PCDHA4: variants seen among roughly 807,000 people sequenced by gnomAD.
PCDHA4 encodes the protein protocadherin alpha-4.
A neutral mutation model predicts 61.4 loss-of-function variants in PCDHA4; 49 were observed. The observed-to-expected ratio is 0.80, with a 90% CI of 0.63 to 1.01. The LOEUF is 1.01. Ranked by LOEUF, PCDHA4 falls within the 50% of genes least tolerant of loss-of-function variation. The pLI, the probability that PCDHA4 is intolerant of heterozygous loss-of-function variation, is 0.00. For missense variants in PCDHA4, 1,254 were observed against 1,235.8 expected, an observed-to-expected ratio of 1.01 and a Z score of -0.22; for synonymous variants, 590 against 550.3, an observed-to-expected ratio of 1.07 and a Z score of -1.01.
intron 3 of PCDHA4, among the ~76,000 whole-genome samples, chr5:141,005,899 A>G (rs2098245270): frequency 6.6e-6 from 1 of 151,978 alleles, no homozygotes; most frequent in East Asian, 1.9e-4. Flanking sequence ...TCAAGCAATG[A>G]TTGCACCACT....
chr5:141,000,415 ATATATATTTTTTT>A (rs1176788591), intron 3 of PCDHA4, among the ~76,000 whole-genome samples: 1 of 87,398 alleles, frequency 1.1e-5, no homozygotes, highest in Non-Finnish European at 2.1e-5. Flanking sequence ...ATATATATAT[ATATATATTTTTTT>A]TTTTTTTTTT....
chr5:140,871,635 A>G, intron 1 of PCDHA4: 1 of 1,364,150 alleles, frequency 7.3e-7, no homozygotes, highest in Non-Finnish European at 9.8e-7. Context: ...ATGTCTGTTC[A>G]TAAAATACCA....
intron 1 of PCDHA4, chr5:140,812,638 G>A (rs1554126027): frequency 6.6e-6 from 1 of 151,730 alleles, no homozygotes; most frequent in Non-Finnish European, 1.5e-5. Context: ...TTGTTTTCAT[G>A]TTTAAGAGAC....
chr5:141,009,825 T>A lies in PCDHA4; in HGVS notation c.2732T>A (p.Ile911Lys). ...AGCCAAATTGACAAAAGTGACTTCA[T>A]AACCTTCGGCAAAAAGGAGGAGACC... ...TNSQIDKSDF[I>K]TFGKKEETKK... is the part of the protein sequence containing the mutation. The change falls in exon 4 of 4, where the codon ATA (isoleucine) becomes AAA (lysine). Residue 911 changes from isoleucine to lysine, a missense_variant. Physicochemically the swap from Ile to Lys is moderately radical, Grantham distance 102. Coordinates refer to ENST00000530339, the MANE Select transcript of PCDHA4 (RefSeq NM_018907.4). 2 of 1,613,774 alleles carry A rather than the reference T, an allele frequency of 1.2e-6. No homozygotes were observed.
intron 2 of PCDHA4, among the ~76,000 whole-genome samples, chr5:140,979,837 C>T (rs1554241124): frequency 6.6e-6 from 1 of 152,188 alleles, no homozygotes; most frequent in Non-Finnish European, 1.5e-5. Flanking sequence ...AAGAAATAAT[C>T]TTCAAACTTA....
intron 1 of PCDHA4, chr5:140,853,722 A>C (rs1236467209): frequency 2.0e-6 from 2 of 988,342 alleles, no homozygotes; most frequent in African/African-American, 1.8e-5. Flanking sequence ...GCAGCACCTA[A>C]GTCCTCATTG....
Position 140,823,614 on chromosome 5 carries a change from G to A in PCDHA4, c.2385+14042G>A, listed in dbSNP as rs2150127435. 5.0e-6 allele frequency: 8 copies of A among 1,614,046 alleles called. No individual in the cohort carries two copies. The Admixed American group carries it at 1.3e-4, about 27-fold the overall frequency. The stretch of plus-strand genomic sequence containing the variant: ...GGCTTTCGTATGAGCTGCAGCCAGC[G>A]CCTGGCAGTGCGCGCATCCCGTTCC... On this transcript the variant is annotated intron_variant, in intron 1 of 3. Transcript: ENST00000530339.
rs2150128727 is a variant in PCDHA4 at position 140,823,745 on chromosome 5, C to T, written c.2385+14173C>T. 9 of 1,613,834 alleles carry T rather than the reference C, an allele frequency of 5.6e-6. No homozygotes were observed. The highest frequency in any genetic ancestry group is 5.5e-5 in the South Asian group (5 of 91,084). On this transcript the variant is annotated intron_variant, in intron 1 of 3. Coordinates refer to ENST00000530339, the MANE Select transcript of PCDHA4 (RefSeq NM_018907.4). ...CTGGTGAAGGACCATGGAGAGCCCCCGCTGACAGCCACAGCCACAGTGCTG... is the reference window on the plus strand; with the variant it reads ...CTGGTGAAGGACCATGGAGAGCCCCTGCTGACAGCCACAGCCACAGTGCTG...
chr5:140,863,834 A>G lies in PCDHA4; in HGVS notation c.2385+54262A>G, dbSNP rs868982708. The G allele has an allele frequency of 1.6e-5, 3 of 185,882 alleles. No homozygotes were observed. The East Asian group carries it at 3.9e-4, about 24-fold the overall frequency. The allele number at this position is 185,882 out of a possible 1,614,324, so 11.5% of individuals were successfully genotyped here. A position where few individuals can be genotyped will look rare whatever the true frequency, so the allele number is the denominator to read the frequency against. The stretch of plus-strand genomic sequence containing the variant: ...GCCAACATGGTGAAACTCCATCTCT[A>G]CTAAAGATATAAAAAAATTAGCTGG... On this transcript the variant is annotated intron_variant, in intron 1 of 3. Transcript: ENST00000530339.
chr5:140,911,223 G>A (rs1305979222), intron 1 of PCDHA4, among the ~76,000 whole-genome samples: 1 of 152,148 alleles, frequency 6.6e-6, no homozygotes, highest in Non-Finnish European at 1.5e-5. Flanking sequence ...TGAGAAAGCT[G>A]TTTCTTCTGG....
In PCDHA4 at chr5:140,850,779, G is replaced by A. The variant is rs1554144905; in HGVS notation, c.2385+41207G>A. 6.3e-7 allele frequency: 1 copy of A among 1,598,204 alleles called. No homozygotes were observed. Among genetic ancestry groups the A allele is most frequent in the Non-Finnish European group, 8.6e-7 (1 of 1,167,724 alleles). ...GAGGAGGCAGAGGGTGTGCTCTGGC[G>A]AGGGTAAGCAGAAGACCGACCTCAT... On this transcript the variant is annotated intron_variant, in intron 1 of 3. Coordinates refer to ENST00000530339, the MANE Select transcript of PCDHA4 (RefSeq NM_018907.4).
chr5:140,883,000 ATCCGT>A (rs1554176436), intron 1 of PCDHA4: 1 of 1,614,138 alleles, frequency 6.2e-7, no homozygotes, highest in Non-Finnish European at 8.5e-7. Flanking sequence ...AATTTTACCA[ATCCGT>A]TTATAAAGTG....
chr5:140,850,004 G>C lies in PCDHA4; in HGVS notation c.2385+40432G>C. On this transcript the variant is annotated intron_variant, in intron 1 of 3. Transcript: ENST00000530339. Reference sequence around the variant, plus strand: ...TGGAGCGGCGGTTGGGCGAGCGCTCGCTGTCGAGCTACGTGTCAGTGCACG... The same window carrying C: ...TGGAGCGGCGGTTGGGCGAGCGCTCCCTGTCGAGCTACGTGTCAGTGCACG... 3 of 1,596,990 alleles carry C rather than the reference G, an allele frequency of 1.9e-6. 1 individual carries two copies. Among genetic ancestry groups the C allele is most frequent in the Non-Finnish European group, 2.6e-6 (3 of 1,167,858 alleles).
chr5:140,876,250 A>C (rs782111802), intron 1 of PCDHA4: 1 of 1,614,046 alleles, frequency 6.2e-7, no homozygotes. Context: ...AAACGACACA[A>C]GAGTGATCCA....
intron 1 of PCDHA4, among the ~76,000 whole-genome samples, chr5:140,880,837 A>G (rs2058501881): frequency 1.3e-5 from 2 of 152,230 alleles, no homozygotes; most frequent in African/African-American, 4.8e-5. Flanking sequence ...CATATTTTAA[A>G]TGGTTGACTA....
At chr5:140,867,140 CATT>C (rs782677875) in intron 1 of PCDHA4, 7 of 152,092 alleles carry the variant, frequency 4.6e-5, no homozygotes, top group Non-Finnish European at 1.0e-4. Context: ...GTGATATTAT[CATT>C]TTTCCAGAGT....
rs2150343168 is a variant in PCDHA4, at chr5:140,842,728, G to C, written c.2385+33156G>C. 3.1e-6 allele frequency: 5 copies of C among 1,594,936 alleles called. No individual in the cohort carries two copies. In the Admixed American group the frequency reaches 6.7e-5, roughly 22 times the overall value. On this transcript the variant is annotated intron_variant, in intron 1 of 3. Coordinates refer to ENST00000530339, the MANE Select transcript of PCDHA4 (RefSeq NM_018907.4). ...CGGTGTTCGTGAAGGAGAACAACCC[G>C]CCGGGCTGCCACATCTTCACGGTGT...
intron 1 of PCDHA4, among the ~76,000 whole-genome samples, chr5:140,820,077 G>A (rs2150105714): frequency 5.9e-5 from 9 of 151,896 alleles, no homozygotes; most frequent in Admixed American, 3.3e-4. Flanking sequence ...ATCAGCTAAT[G>A]CTGTTTTCTA....
At chr5:140,999,656 G>A (rs1483832540) in intron 3 of PCDHA4, among the ~76,000 whole-genome samples, 2 of 152,148 alleles carry the variant, frequency 1.3e-5, no homozygotes, top group African/African-American at 4.8e-5. Context: ...CCTGAGCCCT[G>A]CTGGGTTGCG....
Sources: gnomAD v4.1 joint callset for allele counts (sites outside exome capture counted in the v4.1 genomes callset) on GRCh38, gnomAD v4.1.1 for gene constraint, MANE v1.5 for transcripts, NCBI Gene and HGNC (gene_info 2026-07-23, HGNC 2026-07-21) for gene names.